Variants in MAGI1 observed in about 807,000 individuals in gnomAD.
The protein encoded by MAGI1 is membrane-associated guanylate kinase, WW and PDZ domain-containing protein 1.
A neutral mutation model predicts 139.9 loss-of-function variants in MAGI1; 58 were observed. The observed-to-expected ratio is 0.41, with a 90% CI of 0.34 to 0.52. The LOEUF (loss-of-function observed/expected upper bound fraction) is 0.52. Among genes scored for constraint, MAGI1 ranks in the 20% least tolerant of loss-of-function variants. The pLI is 0.12. For missense variants in MAGI1, 1,874 were observed against 1,901.6 expected (o/e 0.99, Z 0.27); for synonymous variants, 812 against 737.9 (o/e 1.10, Z -1.63).
chr3:65,921,919 G>A (rs1049160870), intron 1 of MAGI1, among the ~76,000 whole-genome samples: 1 of 140,742 alleles, frequency 7.1e-6, no homozygotes, highest in Admixed American at 7.1e-5. Context: ...CCACACACAC[G>A]ACACACACAC....
intron 1 of MAGI1, among the ~76,000 whole-genome samples, chr3:65,702,085 T>C (rs1408051746): frequency 1.3e-5 from 2 of 152,186 alleles, no homozygotes; most frequent in Non-Finnish European, 2.9e-5. Flanking sequence ...TTTGCTATAC[T>C]GAAGATGACA....
intron 1 of MAGI1, among the ~76,000 whole-genome samples, chr3:65,798,383 C>A (rs941908372): frequency 2.6e-5 from 4 of 152,100 alleles, no homozygotes; most frequent in African/African-American, 9.7e-5. Context: ...CCATTCCATG[C>A]CTTTCTTCCT....
intron 1 of MAGI1, among the ~76,000 whole-genome samples, chr3:65,723,271 T>C (rs1345809480): frequency 6.6e-6 from 1 of 152,162 alleles, no homozygotes; most frequent in East Asian, 1.9e-4. Flanking sequence ...TATAAGCATC[T>C]TGTGTCTACA....
intron 6 of MAGI1, among the ~76,000 whole-genome samples, chr3:65,451,642 G>A (rs553148458): frequency 9.2e-5 from 14 of 152,070 alleles, no homozygotes; most frequent in Admixed American, 1.3e-4. Context: ...GGAGCCTGTT[G>A]TTGCTTTGTT....
chr3:65,509,848 G>C (rs1576102125), intron 2 of MAGI1, among the ~76,000 whole-genome samples: 1 of 152,204 alleles, frequency 6.6e-6, no homozygotes, highest in Admixed American at 6.5e-5. Flanking sequence ...ACCTCTGGGG[G>C]CAGGGCACAG....
At chr3:65,985,094 T>TGAG (rs1210110741) in intron 1 of MAGI1, among the ~76,000 whole-genome samples, 1 of 152,190 alleles carries the variant, frequency 6.6e-6, no homozygotes, top group Non-Finnish European at 1.5e-5. Flanking sequence ...CATGTGTGAC[T>TGAG]TTCAAAAGGC....
chr3:65,669,796 T>C (rs112433037), intron 1 of MAGI1, among the ~76,000 whole-genome samples: 4,353 of 152,278 alleles, frequency 0.029, 208 homozygotes, highest in African/African-American at 0.096. Context: ...TGCTCAACTT[T>C]AGTTTTTCAG....
chr3:65,401,964 CTGCCT>C, intron 12 of MAGI1: 1 of 908,158 alleles, frequency 1.1e-6, no homozygotes, highest in Non-Finnish European at 1.3e-6. Flanking sequence ...TTTTTTTCCT[CTGCCT>C]TTCGGAAGAG....
chr3:65,534,882 TCTA>T (rs2078888506), intron 2 of MAGI1, among the ~76,000 whole-genome samples: 2 of 152,190 alleles, frequency 1.3e-5, no homozygotes, highest in African/African-American at 4.8e-5. Flanking sequence ...CTGCCGAGCC[TCTA>T]CGGGGTGAGT....
chr3:65,531,272 A>C (rs952052074), intron 2 of MAGI1, among the ~76,000 whole-genome samples: 2 of 152,068 alleles, frequency 1.3e-5, no homozygotes, highest in Admixed American at 6.6e-5. Flanking sequence ...TAGGGTTGTC[A>C]TCTGAGCAAC....
rs764888683 is a variant in MAGI1, at chr3:65,379,424, G to A, written c.2832C>T (p.Gly944=). ...TGCCGATGCCGCTGGTGCTGCCGCT[G>A]CCCGAGCTCACCGTGTTCAGCGAGT... ...SQNSLNTVSS[G]SGSTSGIGSG... Residue 944 remains glycine (G), a synonymous_variant, in exon 17 of 23, where the codon GGC becomes GGT. Transcript: ENST00000402939. 6.2e-6 allele frequency: 10 copies of A among 1,613,634 alleles called. No individual in the cohort carries two copies. In the South Asian group the frequency reaches 1.1e-4, roughly 18 times the overall value.
intron 1 of MAGI1, among the ~76,000 whole-genome samples, chr3:65,666,522 A>T (rs906706519): frequency 1.3e-5 from 2 of 152,224 alleles, no homozygotes; most frequent in Non-Finnish European, 2.9e-5. Context: ...AACCTTATAG[A>T]CATTCAATCA....
intron 1 of MAGI1, among the ~76,000 whole-genome samples, chr3:65,761,688 G>A (rs968597242): frequency 3.3e-5 from 5 of 152,172 alleles, no homozygotes; most frequent in Non-Finnish European, 7.3e-5. Flanking sequence ...AACCAGCCGA[G>A]AATGAACCTA....
At chr3:65,540,046 T>C (rs2079138521) in intron 2 of MAGI1, among the ~76,000 whole-genome samples, 1 of 152,204 alleles carries the variant, frequency 6.6e-6, no homozygotes, top group Non-Finnish European at 1.5e-5. Flanking sequence ...AGCTTTCTCA[T>C]AAGATCAATG....
chr3:65,905,392 C>A (rs1025699310), intron 1 of MAGI1, among the ~76,000 whole-genome samples: 2 of 151,106 alleles, frequency 1.3e-5, no homozygotes, highest in Non-Finnish European at 1.5e-5. Flanking sequence ...TTAGCCTGGG[C>A]AACCTAGTGA....
chr3:65,580,327 T>C (rs1345909572), intron 2 of MAGI1, among the ~76,000 whole-genome samples: 1 of 151,946 alleles, frequency 6.6e-6, no homozygotes, highest in Admixed American at 6.6e-5. Context: ...CCTTTTTTTT[T>C]TCTTGGCCAA....
chr3:65,458,791 G>A (rs1039605760), intron 5 of MAGI1, among the ~76,000 whole-genome samples: 1 of 152,230 alleles, frequency 6.6e-6, no homozygotes, highest in African/African-American at 2.4e-5. Context: ...TTTCTGTGCA[G>A]AAGCTTTTTA....
At chr3:65,374,782 T>G (rs940326971) in intron 18 of MAGI1, among the ~76,000 whole-genome samples, 2 of 152,278 alleles carry the variant, frequency 1.3e-5, no homozygotes, top group South Asian at 4.1e-4. Context: ...CAATGTTCCC[T>G]GGGGGGCAGA....
intron 2 of MAGI1, chr3:65,609,743 C>T (rs759792718): frequency 9.2e-6 from 3 of 326,584 alleles, no homozygotes; most frequent in Non-Finnish European, 1.9e-5. Flanking sequence ...CACCACCATA[C>T]CTGGGTAATT....
Sources: gnomAD v4.1 joint callset for allele counts (sites outside exome capture counted in the v4.1 genomes callset) on GRCh38, gnomAD v4.1.1 for gene constraint, MANE v1.5 for transcripts, NCBI Gene and HGNC (gene_info 2026-07-23, HGNC 2026-07-21) for gene names.